CNOT4: variants seen among roughly 807,000 people sequenced by gnomAD.
The protein encoded by CNOT4 is CCR4-associated factor 4.
In CNOT4, 8 loss-of-function variants were observed where a neutral mutation model predicts 73.8. The ratio of observed to expected loss-of-function variants is 0.11; its 90% CI spans 0.06 to 0.20. The LOEUF is 0.20. Among genes scored for constraint, CNOT4 ranks in the 10% least tolerant of loss-of-function variants. CNOT4 has a pLI of 1.00. For missense variants in CNOT4, 564 were observed against 883.4 expected (o/e 0.64, Z 4.58); for synonymous variants, 293 against 321.1 (o/e 0.91, Z 0.94).
chr7:135,413,885 C>CA (rs1321442220), intron 5 of CNOT4, among the ~76,000 whole-genome samples: 1 of 151,756 alleles, frequency 6.6e-6, no homozygotes, highest in African/African-American at 2.4e-5. Context: ...AGGAGATAGA[C>CA]AAAAAAATCT....
At position 135,424,307 on chromosome 7, in the gene CNOT4, T is replaced by C. The variant is rs188866406; in HGVS notation, c.175-1954A>G. Among the ~76,000 whole-genome samples the C allele has an allele frequency of 9.8e-4, 150 of 152,302 alleles. 1 individual carries two copies. Among genetic ancestry groups the C allele is most frequent in the African/African-American group, 3.4e-3 (143 of 41,564 alleles). ...AATCTTAATCTATCTGCCTGGATGA[T>C]TTTAATCCCTTGAAGCTATTTGGAG... On this transcript the variant is annotated intron_variant, in intron 2 of 11. Transcript: ENST00000541284.
intron 10 of CNOT4, among the ~76,000 whole-genome samples, chr7:135,379,047 A>G (rs78837965): frequency 0.017 from 2,575 of 151,874 alleles, 39 homozygotes; most frequent in Non-Finnish European, 0.025. Context: ...TCAGGAATCC[A>G]GTAGGAAAAT....
intron 1 of CNOT4, among the ~76,000 whole-genome samples, chr7:135,452,867 A>G (rs1283127221): frequency 6.6e-6 from 1 of 152,214 alleles, no homozygotes; most frequent in East Asian, 1.9e-4. Flanking sequence ...GCTAAGCCCG[A>G]TGAAAGTGTT....
chr7:135,449,216 A>T (rs1468043638), intron 1 of CNOT4, among the ~76,000 whole-genome samples: 2 of 152,176 alleles, frequency 1.3e-5, no homozygotes, highest in Admixed American at 6.5e-5. Context: ...CATGATAGTG[A>T]CTACCTCTAA....
chr7:135,424,688 C>G (rs112996496), intron 2 of CNOT4, among the ~76,000 whole-genome samples: 151 of 152,234 alleles, frequency 9.9e-4, no homozygotes, highest in African/African-American at 3.5e-3. Flanking sequence ...ACTTGGGAGG[C>G]TGAGGCAGGA....
chr7:135,396,767 T>C (rs1380636278), intron 8 of CNOT4, among the ~76,000 whole-genome samples: 1 of 152,166 alleles, frequency 6.6e-6, no homozygotes, highest in East Asian at 1.9e-4. Flanking sequence ...AAGTATCTTA[T>C]CTCAACACTT....
At chr7:135,444,694 C>A in intron 1 of CNOT4, 1 of 1,224,908 alleles carries the variant, frequency 8.2e-7, no homozygotes, top group Non-Finnish European at 1.2e-6. Flanking sequence ...GGTCTGCTTC[C>A]GGCTGCTTGT....
intron 1 of CNOT4, chr7:135,509,613 C>T (rs1382241237): frequency 6.4e-6 from 1 of 156,034 alleles, no homozygotes; most frequent in East Asian, 1.9e-4. Context: ...AAAGCCGCCT[C>T]GGCTCCCCAA....
chr7:135,485,139 C>T (rs11981574), intron 1 of CNOT4, among the ~76,000 whole-genome samples: 7,270 of 152,228 alleles, frequency 0.048, 600 homozygotes, highest in African/African-American at 0.17. Context: ...GTGGCACGAT[C>T]TTGGCTCACT....
chr7:135,481,754 T>C (rs1443539393), intron 1 of CNOT4, among the ~76,000 whole-genome samples: 1 of 152,184 alleles, frequency 6.6e-6, no homozygotes, highest in African/African-American at 2.4e-5. Flanking sequence ...GATTTGGCAT[T>C]CAAAGAATGA....
chr7:135,364,144 T>C lies in CNOT4; in HGVS notation c.1628-78A>G. 9.6e-7 allele frequency: 1 copy of C among 1,039,798 alleles called. No individual in the cohort carries two copies. The highest frequency in any genetic ancestry group is 2.4e-5 in the East Asian group (1 of 41,578). The allele number at this position is 1,039,798 out of a possible 1,614,324, so 64.4% of individuals were successfully genotyped here. On this transcript the variant is annotated intron_variant, in intron 10 of 11. Transcript: ENST00000541284. The surrounding 1 kb of genome is among the most constrained non-coding windows in gnomAD (Gnocchi z 4.3). ...GTTAGAAACATATGTTGTTCTTTAG[T>C]GGTTAAGCGGGAGAAGAATTATTCT...
chr7:135,487,869 C>T (rs1183252753), intron 1 of CNOT4, among the ~76,000 whole-genome samples: 6 of 152,052 alleles, frequency 3.9e-5, no homozygotes, highest in Non-Finnish European at 7.4e-5. Flanking sequence ...CTGGCTAACA[C>T]GGTGAAACCT....
At chr7:135,494,768 T>A (rs1436570526) in intron 1 of CNOT4, among the ~76,000 whole-genome samples, 1 of 152,130 alleles carries the variant, frequency 6.6e-6, no homozygotes, top group Non-Finnish European at 1.5e-5. Flanking sequence ...GAAATCCAAG[T>A]GTAAATAAAT....
chr7:135,464,815 A>C (rs1801117712), intron 1 of CNOT4, among the ~76,000 whole-genome samples: 1 of 152,020 alleles, frequency 6.6e-6, no homozygotes, highest in Non-Finnish European at 1.5e-5. Flanking sequence ...CACCATTCTC[A>C]AGAAAACTGT....
chr7:135,407,946 T>C (rs1797386511), intron 7 of CNOT4, among the ~76,000 whole-genome samples: 4 of 152,210 alleles, frequency 2.6e-5, no homozygotes. Context: ...ATAAAACTTT[T>C]AAACACACAA....
rs925307034 is a variant in CNOT4, at chr7:135,387,484, T to C, written c.1627+6434A>G. The C allele has an allele frequency of 5.1e-6, 5 of 980,062 alleles. No individual in the cohort carries two copies. In the Admixed American group the frequency reaches 3.1e-4, roughly 60 times the overall value. 60.7% of individuals were successfully genotyped at this position (980,062 alleles called of 1,614,324 possible). A position where few individuals can be genotyped will look rare whatever the true frequency, so the allele number is the denominator to read the frequency against. ...CATGACATTAAGTACCATCTCCTAA[T>C]AACATGTTCTATTATTATTATTTTC... On this transcript the variant is annotated intron_variant, in intron 10 of 11. Coordinates refer to ENST00000541284, the MANE Select transcript of CNOT4 (RefSeq NM_001190850.2).
intron 1 of CNOT4, among the ~76,000 whole-genome samples, chr7:135,465,006 C>T (rs1801130928): frequency 6.6e-6 from 1 of 151,954 alleles, no homozygotes; most frequent in Admixed American, 6.6e-5. Flanking sequence ...TTTTTGTATA[C>T]ATACTATTAT....
At chr7:135,376,595 A>T (rs569478253) in intron 10 of CNOT4, among the ~76,000 whole-genome samples, 1 of 152,304 alleles carries the variant, frequency 6.6e-6, no homozygotes, top group South Asian at 2.1e-4. Flanking sequence ...AATTCCTAAG[A>T]TTGCTGATGT....
At position 135,414,318 on chromosome 7, in the gene CNOT4, A is replaced by G; in HGVS notation, c.561+13T>C. 1 of 896,782 alleles carries G rather than the reference A, an allele frequency of 1.1e-6. No homozygotes were observed. 55.6% of individuals were successfully genotyped at this position (896,782 alleles called of 1,614,324 possible). On this transcript the variant is annotated intron_variant, in intron 5 of 11. Transcript: ENST00000541284. ...CTTAAAAAAAAAAAAAAGAATCAAG[A>G]GGACTATATTACCTTAAGTGTTCTG...
Sources: gnomAD v4.1 joint callset for allele counts (sites outside exome capture counted in the v4.1 genomes callset) on GRCh38, gnomAD v4.1.1 for gene constraint, Gnocchi (gnomAD v3.1) non-coding constraint, MANE v1.5 for transcripts, NCBI Gene and HGNC (gene_info 2026-07-23, HGNC 2026-07-21) for gene names.